Variants in PTPRG observed in about 807,000 individuals in gnomAD.
The protein encoded by PTPRG is receptor-type tyrosine-protein phosphatase gamma.
A neutral mutation model predicts 165.3 loss-of-function variants in PTPRG; 102 were observed. The observed-to-expected ratio is 0.62, with a 90% CI of 0.53 to 0.73. The LOEUF (loss-of-function observed/expected upper bound fraction) is 0.73, where lower values mean the gene tolerates loss of function less well. Among genes scored for constraint, PTPRG ranks in the 30% least tolerant of loss-of-function variants. The pLI is 0.00. For missense variants in PTPRG, 1,866 were observed against 1,861.4 expected, an observed-to-expected ratio of 1.00 and a Z score of -0.05; for synonymous variants, 675 against 669.5, an observed-to-expected ratio of 1.01 and a Z score of -0.13.
At chr3:61,800,189 G>C (rs1011297637) in intron 2 of PTPRG, among the ~76,000 whole-genome samples, 1 of 152,164 alleles carries the variant, frequency 6.6e-6, no homozygotes, top group African/African-American at 2.4e-5. Flanking sequence ...GGGTAGGATG[G>C]TGACAGATAT....
chr3:61,612,891 G>GCA (rs1701211439), intron 1 of PTPRG, among the ~76,000 whole-genome samples: 2 of 150,472 alleles, frequency 1.3e-5, no homozygotes, highest in African/African-American at 4.9e-5. Context: ...GTGTGTGTGC[G>GCA]CACTTGTAAT....
At chr3:62,039,276 T>C (rs1379796195) in intron 4 of PTPRG, among the ~76,000 whole-genome samples, 1 of 151,940 alleles carries the variant, frequency 6.6e-6, no homozygotes, top group East Asian at 1.9e-4. Context: ...TTTGTTTTTT[T>C]TTTTAAAGAG....
At chr3:61,738,259 TA>T (rs1559583018) in intron 1 of PTPRG, among the ~76,000 whole-genome samples, 16,523 of 60,086 alleles carry the variant, frequency 0.27, 2,053 homozygotes, top group East Asian at 0.51. Context: ...TGTCCATTTT[TA>T]TATATATATA....
chr3:62,116,806 G>A (rs990207003), intron 5 of PTPRG, among the ~76,000 whole-genome samples: 1 of 152,148 alleles, frequency 6.6e-6, no homozygotes, highest in African/African-American at 2.4e-5. Context: ...TTTCTTCTGG[G>A]ACCTCAATGT....
chr3:61,763,128 G>A (rs1376725929), intron 2 of PTPRG, among the ~76,000 whole-genome samples: 6 of 152,196 alleles, frequency 3.9e-5, no homozygotes, highest in African/African-American at 1.4e-4. Context: ...ATTGGCAACA[G>A]GAATGGGATT....
chr3:61,713,186 G>T (rs2031649499), intron 1 of PTPRG, among the ~76,000 whole-genome samples: 2 of 150,486 alleles, frequency 1.3e-5, no homozygotes, highest in Admixed American at 6.6e-5. Flanking sequence ...TTTTGAGACG[G>T]AGTGTCACTC....
intron 2 of PTPRG, among the ~76,000 whole-genome samples, chr3:61,818,859 G>GAATAGTGAAATAGTGAATAGTGA (rs2035871016): frequency 1.1e-5 from 1 of 91,594 alleles, no homozygotes; most frequent in Non-Finnish European, 2.0e-5. Flanking sequence ...GTGAAATAGT[G>GAATAGTGAAATAGTGAATAGTGA]AATAGTGAAA....
intron 16 of PTPRG, among the ~76,000 whole-genome samples, chr3:62,260,332 T>C (rs1302053742): frequency 1.3e-5 from 2 of 152,210 alleles, no homozygotes; most frequent in African/African-American, 4.8e-5. Flanking sequence ...CATTATTTTT[T>C]TGAATTGAGC....
intron 2 of PTPRG, among the ~76,000 whole-genome samples, chr3:61,758,133 A>G (rs963294017): frequency 1.5e-4 from 22 of 150,962 alleles, no homozygotes; most frequent in African/African-American, 5.1e-4. Context: ...GGTACTGACT[A>G]TAGGCGCACA....
intron 8 of PTPRG, among the ~76,000 whole-genome samples, chr3:62,171,844 A>C (rs532410647): frequency 6.6e-6 from 1 of 152,198 alleles, no homozygotes; most frequent in African/African-American, 2.4e-5. Context: ...GAACATTTTC[A>C]TCACCCCAAA....
intron 2 of PTPRG, among the ~76,000 whole-genome samples, chr3:61,789,691 G>A (rs919171933): frequency 2.6e-5 from 4 of 152,178 alleles, no homozygotes; most frequent in Admixed American, 6.5e-5. Flanking sequence ...ATTTAAGTAA[G>A]TATTTTATTT....
At chr3:62,021,456 A>G (rs1183944781) in intron 4 of PTPRG, among the ~76,000 whole-genome samples, 1 of 152,232 alleles carries the variant, frequency 6.6e-6, no homozygotes, top group Non-Finnish European at 1.5e-5. Context: ...AAAGAAGCTA[A>G]TAACTTGTTT....
intron 2 of PTPRG, among the ~76,000 whole-genome samples, chr3:61,980,752 G>A (rs1367084685): frequency 1.3e-5 from 2 of 152,172 alleles, no homozygotes; most frequent in Non-Finnish European, 2.9e-5. Context: ...TTCAGACATG[G>A]TTTGATCAGA....
At chr3:62,041,050 G>C (rs7636003) in intron 4 of PTPRG, among the ~76,000 whole-genome samples, 35,337 of 152,104 alleles carry the variant, frequency 0.23, 4,545 homozygotes, top group African/African-American at 0.32. Context: ...TCACCATTCA[G>C]TGTCTCTGTC....
intron 1 of PTPRG, among the ~76,000 whole-genome samples, chr3:61,694,179 G>C: frequency 6.6e-6 from 1 of 152,148 alleles, no homozygotes; most frequent in East Asian, 1.9e-4. Context: ...ATGCTAAGAC[G>C]TGGGTGCAAA....
intron 2 of PTPRG, among the ~76,000 whole-genome samples, chr3:61,834,069 C>G (rs1559638619): frequency 6.6e-6 from 1 of 152,176 alleles, no homozygotes; most frequent in East Asian, 1.9e-4. Context: ...GGGAAGTAAA[C>G]ATAACGGATT....
chr3:61,562,769 G>C lies in PTPRG; in HGVS notation c.85+397G>C, dbSNP rs910166505. Among the ~76,000 whole-genome samples, 9 of 152,282 alleles carry C rather than the reference G, an allele frequency of 5.9e-5. No individual in the cohort carries two copies. The South Asian group carries it at 8.3e-4, about 14-fold the overall frequency. On this transcript the variant is annotated intron_variant, in intron 1 of 29. Coordinates refer to ENST00000474889, the MANE Select transcript of PTPRG (RefSeq NM_002841.4). ...AAAGGATGCTTCTGTGGGTTTGGGG[G>C]GCCCGGGATGAGCCCCCTCGCTCTG...
At chr3:62,060,093 C>CT (rs2106685622) in intron 4 of PTPRG, among the ~76,000 whole-genome samples, 1 of 151,952 alleles carries the variant, frequency 6.6e-6, no homozygotes, top group South Asian at 2.1e-4. Flanking sequence ...TGGCACAAGC[C>CT]TGTAGCCCCA....
At chr3:62,227,786 A>G (rs1475190073) in intron 13 of PTPRG, among the ~76,000 whole-genome samples, 1 of 152,232 alleles carries the variant, frequency 6.6e-6, no homozygotes, top group East Asian at 1.9e-4. Context: ...AAACCAAGGT[A>G]ATCCCAAATA....
Sources: gnomAD v4.1 joint callset for allele counts (sites outside exome capture counted in the v4.1 genomes callset) on GRCh38, gnomAD v4.1.1 for gene constraint, MANE v1.5 for transcripts, NCBI Gene and HGNC (gene_info 2026-07-23, HGNC 2026-07-21) for gene names.